The following CDH2 variants were observed in gnomAD, a reference collection of about 807,000 sequenced individuals.
CDH2 encodes the protein cadherin 2.
In CDH2, 17 loss-of-function variants were observed where a neutral mutation model predicts 92.0. The observed-to-expected ratio is 0.18, with a 90% CI of 0.13 to 0.28. CDH2 has a LOEUF of 0.28. Among genes scored for constraint, CDH2 ranks in the 10% least tolerant of loss-of-function variants. The probability of loss-of-function intolerance (pLI) is 1.00; values close to 1 mark genes in which losing one functional copy is unlikely to be tolerated. For synonymous variants in CDH2, 419 were observed against 415.9 expected (o/e 1.01, Z -0.09); for missense variants, 862 against 1,133.1 (o/e 0.76, Z 3.44).
intron 2 of CDH2, among the ~76,000 whole-genome samples, chr18:28,016,919 A>G (rs2013265358): frequency 6.6e-6 from 1 of 152,162 alleles, no homozygotes; most frequent in African/African-American, 2.4e-5. Flanking sequence ...ATGGTGTATC[A>G]CATTTATTGA....
chr18:28,121,155 C>G (rs549402439), intron 2 of CDH2, among the ~76,000 whole-genome samples: 1 of 152,130 alleles, frequency 6.6e-6, no homozygotes, highest in Non-Finnish European at 1.5e-5. Context: ...AATCCTTAGC[C>G]TTCTGGTTAC....
chr18:28,176,032 C>T (rs1010001450), intron 1 of CDH2, among the ~76,000 whole-genome samples: 2 of 152,216 alleles, frequency 1.3e-5, no homozygotes, highest in Admixed American at 1.3e-4. Flanking sequence ...TTGGGCTGCC[C>T]CCGGGCTGGG....
chr18:28,155,535 C>T (rs556901752), intron 1 of CDH2, among the ~76,000 whole-genome samples: 1 of 152,130 alleles, frequency 6.6e-6, no homozygotes, highest in Non-Finnish European at 1.5e-5. Context: ...ACAAAAGATG[C>T]ACAAGTGGAA....
chr18:28,007,165 A>ATATAT (rs1555632743), intron 5 of CDH2, among the ~76,000 whole-genome samples: 4 of 110,464 alleles, frequency 3.6e-5, no homozygotes, highest in South Asian at 3.0e-4. Context: ...ATAAAAAAAA[A>ATATAT]ATATATATAT....
At chr18:28,057,372 A>G (rs779021453) in intron 2 of CDH2, among the ~76,000 whole-genome samples, 1 of 152,226 alleles carries the variant, frequency 6.6e-6, no homozygotes, top group Non-Finnish European at 1.5e-5. Context: ...ATTGCTAAGA[A>G]ATGAAATTTG....
At chr18:28,061,860 A>T (rs2014409026) in intron 2 of CDH2, among the ~76,000 whole-genome samples, 1 of 152,148 alleles carries the variant, frequency 6.6e-6, no homozygotes, top group African/African-American at 2.4e-5. Context: ...ACTTACTATC[A>T]TGAGAATATC....
At chr18:28,168,390 C>T (rs1237722638) in intron 1 of CDH2, among the ~76,000 whole-genome samples, 23 of 151,872 alleles carry the variant, frequency 1.5e-4, no homozygotes, top group Admixed American at 1.5e-3. Flanking sequence ...AAAAGTAATG[C>T]AAAGTGTTCA....
At chr18:27,958,408 G>C (rs916933204) in intron 15 of CDH2, among the ~76,000 whole-genome samples, 1 of 151,602 alleles carries the variant, frequency 6.6e-6, no homozygotes, top group Non-Finnish European at 1.5e-5. Context: ...CTTTTGAGTA[G>C]AGAAATATAC....
At chr18:28,153,612 C>T (rs1231159627) in intron 1 of CDH2, among the ~76,000 whole-genome samples, 1 of 152,198 alleles carries the variant, frequency 6.6e-6, no homozygotes, top group Non-Finnish European at 1.5e-5. Flanking sequence ...CATGAACTTC[C>T]AACAGGTCAG....
chr18:28,145,461 C>T (rs536866226), intron 2 of CDH2, among the ~76,000 whole-genome samples: 2 of 152,156 alleles, frequency 1.3e-5, no homozygotes, highest in Non-Finnish European at 2.9e-5. Flanking sequence ...ATATACAGTA[C>T]ATGAATTTAC....
chr18:28,069,997 A>G (rs757248417), intron 2 of CDH2, among the ~76,000 whole-genome samples: 5 of 152,180 alleles, frequency 3.3e-5, no homozygotes, highest in Non-Finnish European at 7.3e-5. Flanking sequence ...CTCCATAAGA[A>G]GCCTAGTAGG....
rs1172779200 is a variant in CDH2 at position 28,007,165 on chromosome 18, A to AAAAAATAT, written c.703-1173_703-1172insATATTTTT. Reference sequence around the variant, plus strand: ...ACAGAGTGAGACTCCATAAAAAAAAAATATATATATATATATATATATATA... The same window carrying AAAAAATAT: ...ACAGAGTGAGACTCCATAAAAAAAAAAAAAATATATATATATATATATATATATATATA... On this transcript the variant is annotated intron_variant, in intron 5 of 15. Coordinates refer to ENST00000269141, the MANE Select transcript of CDH2 (RefSeq NM_001792.5). Among the ~76,000 whole-genome samples the AAAAAATAT allele has an allele frequency of 1.7e-3, 192 of 110,454 alleles. 1 individual carries two copies. Among genetic ancestry groups the AAAAAATAT allele is most frequent in the East Asian group, 7.6e-3 (33 of 4,352 alleles). The allele number at this position is 110,454 out of a possible 152,430, so 72.5% of individuals were successfully genotyped here.
chr18:28,083,596 G>C (rs776506917), intron 2 of CDH2, among the ~76,000 whole-genome samples: 2 of 152,100 alleles, frequency 1.3e-5, no homozygotes, highest in Non-Finnish European at 2.9e-5. Flanking sequence ...TGCTGAATAA[G>C]AACTAGCCTA....
chr18:28,045,437 A>C, intron 2 of CDH2: 1 of 468,414 alleles, frequency 2.1e-6, no homozygotes. Context: ...CATGTCCTTC[A>C]ACAATGTGGC....
At chr18:28,007,327 C>A (rs1360828327) in intron 5 of CDH2, among the ~76,000 whole-genome samples, 2 of 151,520 alleles carry the variant, frequency 1.3e-5, no homozygotes, top group African/African-American at 2.4e-5. Flanking sequence ...ATATCAAAAT[C>A]CTTTCCTCTA....
intron 7 of CDH2, among the ~76,000 whole-genome samples, chr18:27,997,137 T>C (rs539912993): frequency 9.8e-5 from 15 of 152,352 alleles, no homozygotes; most frequent in African/African-American, 3.1e-4. Context: ...CTTGATGAAG[T>C]AGCACGTGAA....
At chr18:28,168,621 A>G in intron 1 of CDH2, 1 of 497,072 alleles carries the variant, frequency 2.0e-6, no homozygotes, top group East Asian at 1.5e-4. Context: ...TTATTTGTTG[A>G]TCAAAACTAT....
intron 4 of CDH2, among the ~76,000 whole-genome samples, chr18:28,010,898 C>T (rs2013079038): frequency 6.6e-6 from 1 of 150,828 alleles, no homozygotes; most frequent in South Asian, 2.1e-4. Context: ...GATCTGCCCA[C>T]CTCAGCCTTC....
At chr18:28,114,194 A>T (rs2015457987) in intron 2 of CDH2, among the ~76,000 whole-genome samples, 1 of 152,144 alleles carries the variant, frequency 6.6e-6, no homozygotes, top group Non-Finnish European at 1.5e-5. Context: ...TAGAAGGAAG[A>T]CACTGAACAT....
Sources: allele counts gnomAD v4.1 joint callset (sites outside exome capture counted in the v4.1 genomes callset), GRCh38; gene constraint gnomAD v4.1.1; transcripts MANE v1.5; gene names NCBI Gene and HGNC (gene_info 2026-07-23, HGNC 2026-07-21).